Variants in SGCZ observed in about 807,000 individuals in gnomAD.
SGCZ encodes zeta-sarcoglycan.
Under a neutral mutation model 41.3 loss-of-function variants are expected in SGCZ, and 40 were observed. The ratio of observed to expected loss-of-function variants is 0.97; its 90% CI spans 0.75 to 1.26. SGCZ has a LOEUF of 1.26. Ranked by LOEUF, SGCZ falls within the 50% of genes most tolerant of loss-of-function variation. The pLI is 0.00. For synonymous variants in SGCZ, 206 were observed against 137.5 expected (o/e 1.50, Z -3.49); for missense variants, 552 against 369.8 (o/e 1.49, Z -4.04).
At chr8:15,021,870 T>G (rs1383278781) in intron 1 of SGCZ, among the ~76,000 whole-genome samples, 2 of 152,230 alleles carry the variant, frequency 1.3e-5, no homozygotes, top group Non-Finnish European at 2.9e-5. Context: ...TGGAATGCCC[T>G]TGCTAATTCT....
intron 3 of SGCZ, among the ~76,000 whole-genome samples, chr8:14,322,935 C>T (rs531020118): frequency 2.0e-5 from 3 of 152,136 alleles, no homozygotes; most frequent in East Asian, 1.9e-4. Flanking sequence ...AGCAAAAGAA[C>T]TAAACTTTTC....
chr8:15,139,498 T>C (rs549211985), intron 1 of SGCZ, among the ~76,000 whole-genome samples: 1 of 152,298 alleles, frequency 6.6e-6, no homozygotes, highest in South Asian at 2.1e-4. Flanking sequence ...ATTGCATTTT[T>C]TGGAAATAAA....
chr8:14,194,602 C>A (rs1434133034), intron 4 of SGCZ, among the ~76,000 whole-genome samples: 1 of 151,900 alleles, frequency 6.6e-6, no homozygotes, highest in East Asian at 1.9e-4. Flanking sequence ...ATAATAAATA[C>A]ATTTTTCTGC....
intron 3 of SGCZ, among the ~76,000 whole-genome samples, chr8:14,308,162 T>C (rs1281423160): frequency 5.3e-5 from 8 of 152,124 alleles, no homozygotes; most frequent in African/African-American, 1.4e-4. Flanking sequence ...GAGATTTCAA[T>C]TGCTGGACAT....
intron 4 of SGCZ, among the ~76,000 whole-genome samples, chr8:14,213,236 C>A (rs1472690677): frequency 6.6e-6 from 1 of 152,022 alleles, no homozygotes; most frequent in African/African-American, 2.4e-5. Context: ...CAAGGAAATG[C>A]AGAAGACACA....
chr8:14,785,404 T>C (rs1800736682), intron 1 of SGCZ, among the ~76,000 whole-genome samples: 1 of 152,174 alleles, frequency 6.6e-6, no homozygotes, highest in South Asian at 2.1e-4. Flanking sequence ...GAAATCTGTA[T>C]CCATATATAT....
At chr8:14,412,587 G>C (rs1027436128) in intron 2 of SGCZ, among the ~76,000 whole-genome samples, 1 of 151,968 alleles carries the variant, frequency 6.6e-6, no homozygotes, top group Admixed American at 6.6e-5. Flanking sequence ...TTAACTTTAA[G>C]GAACTACACA....
chr8:14,102,311 C>G, intron 7 of SGCZ, 65 bp downstream of exon 7: 4 of 1,320,746 alleles, frequency 3.0e-6, no homozygotes, highest in Non-Finnish European at 3.9e-6. Context: ...ATAAATAGGA[C>G]ATCTAAATAC....
At chr8:14,905,733 A>G (rs1563353242) in intron 1 of SGCZ, among the ~76,000 whole-genome samples, 1 of 152,106 alleles carries the variant, frequency 6.6e-6, no homozygotes, top group Non-Finnish European at 1.5e-5. Flanking sequence ...TGTCATCAGA[A>G]GCTATAGGCC....
chr8:15,190,394 C>A (rs1438914169), intron 1 of SGCZ, among the ~76,000 whole-genome samples: 1 of 151,996 alleles, frequency 6.6e-6, no homozygotes, highest in Non-Finnish European at 1.5e-5. Context: ...ACCTACCATG[C>A]AATAGGCTTG....
chr8:14,400,625 G>C (rs1036963229), intron 2 of SGCZ, among the ~76,000 whole-genome samples: 16 of 152,140 alleles, frequency 1.1e-4, no homozygotes, highest in Middle Eastern at 3.4e-3. Context: ...TATGTGACCA[G>C]ACCACATACT....
chr8:14,993,658 C>G (rs953168576), intron 1 of SGCZ, among the ~76,000 whole-genome samples: 2 of 152,136 alleles, frequency 1.3e-5, no homozygotes, highest in African/African-American at 2.4e-5. Context: ...AGAGAGAATT[C>G]TAGCCGGGGC....
At chr8:14,180,799 G>C (rs1427642953) in intron 4 of SGCZ, among the ~76,000 whole-genome samples, 2 of 151,994 alleles carry the variant, frequency 1.3e-5, no homozygotes. Context: ...GTGCTCCTGA[G>C]AACACCAATG....
intron 1 of SGCZ, among the ~76,000 whole-genome samples, chr8:15,132,232 G>T (rs1807935242): frequency 6.6e-6 from 1 of 152,134 alleles, no homozygotes; most frequent in Non-Finnish European, 1.5e-5. Flanking sequence ...GATTGGAAAA[G>T]AGCACACTAG....
intron 1 of SGCZ, among the ~76,000 whole-genome samples, chr8:14,769,863 A>G (rs1800178437): frequency 6.7e-6 from 1 of 149,652 alleles, no homozygotes; most frequent in African/African-American, 2.5e-5. Context: ...TGGAAAAAAA[A>G]AATAGAATTT....
At chr8:14,307,713 C>T (rs918930299) in intron 3 of SGCZ, among the ~76,000 whole-genome samples, 1 of 151,962 alleles carries the variant, frequency 6.6e-6, no homozygotes, top group Non-Finnish European at 1.5e-5. Flanking sequence ...ATTTTATTAA[C>T]AAAGTGGTGA....
chr8:14,845,270 G>A (rs899616353), intron 1 of SGCZ, among the ~76,000 whole-genome samples: 6 of 152,072 alleles, frequency 3.9e-5, no homozygotes, highest in Non-Finnish European at 7.4e-5. Context: ...CAGTAGTAGG[G>A]AATAATTATT....
chr8:14,095,863 C>T lies in SGCZ; in HGVS notation c.745-5226G>A, dbSNP rs555020345. 1.6e-4 allele frequency among the ~76,000 whole-genome samples: 24 copies of T among 152,196 alleles called. No individual in the cohort carries two copies. In the South Asian group the frequency reaches 5.0e-3, roughly 32 times the overall value. ...CCTACGTATTTCATTCTCTTTGTAG[C>T]ACTTGTGAGTGGGAGTTGACTCATG... On this transcript the variant is annotated intron_variant, in intron 7 of 7. Transcript: ENST00000382080.
At chr8:14,286,716 C>T (rs1195404466) in intron 3 of SGCZ, among the ~76,000 whole-genome samples, 1 of 152,044 alleles carries the variant, frequency 6.6e-6, no homozygotes, top group Non-Finnish European at 1.5e-5. Context: ...AGAATTAATA[C>T]TAAATTATTC....
Sources: allele counts gnomAD v4.1 joint callset (sites outside exome capture counted in the v4.1 genomes callset), GRCh38; gene constraint gnomAD v4.1.1; transcripts MANE v1.5; gene names NCBI Gene and HGNC (gene_info 2026-07-23, HGNC 2026-07-21).